WDR82: variants seen among roughly 807,000 people sequenced by gnomAD.
WDR82 encodes WD repeat-containing protein 82.
Under a neutral mutation model 36.1 loss-of-function variants are expected in WDR82, and 8 were observed. The ratio of observed to expected loss-of-function variants is 0.22; its 90% CI spans 0.13 to 0.40. WDR82 has a LOEUF of 0.40. WDR82 is among the 10% of genes least tolerant of loss of function. WDR82 has a pLI of 1.00. For synonymous variants in WDR82, 129 were observed against 137.8 expected, an observed-to-expected ratio of 0.94 and a Z score of 0.45; for missense variants, 185 against 400.5, an observed-to-expected ratio of 0.46 and a Z score of 4.59.
At chr3:52,262,487 A>G (rs1700070174) in intron 3 of WDR82, among the ~76,000 whole-genome samples, 1 of 152,244 alleles carries the variant, frequency 6.6e-6, no homozygotes, top group African/African-American at 2.4e-5. Context: ...AAGTGGCATC[A>G]GCATCACCTG....
Position 52,257,365 on chromosome 3 carries a change from A to C in WDR82, c.*125T>G. ...GCAGATGTACAGCACATCCATGGGA[A>C]GGCCATGTAAAAGGATGTTCTCCAG... On this transcript the variant is annotated 3_prime_UTR_variant, in exon 9 of 9. Coordinates refer to ENST00000296490, the MANE Select transcript of WDR82 (RefSeq NM_025222.4). The C allele has an allele frequency of 7.9e-6, 10 of 1,270,814 alleles. No homozygotes were observed. Among genetic ancestry groups the C allele is most frequent in the Non-Finnish European group, 1.0e-5 (9 of 876,142 alleles). The allele number at this position is 1,270,814 out of a possible 1,614,324, so 78.7% of individuals were successfully genotyped here.
intron 1 of WDR82, among the ~76,000 whole-genome samples, chr3:52,271,917 C>T (rs1210219070): frequency 6.6e-6 from 1 of 151,956 alleles, no homozygotes; most frequent in East Asian, 1.9e-4. Flanking sequence ...TGGTGAAACC[C>T]CGTCTCTACT....
At position 52,261,416 on chromosome 3, in the gene WDR82, G is replaced by A; in HGVS notation, c.390C>T (p.Thr130=). 1 of 1,613,006 alleles carries A rather than the reference G, an allele frequency of 6.2e-7. No individual in the cohort carries two copies. Among genetic ancestry groups the A allele is most frequent in the Non-Finnish European group, 8.5e-7 (1 of 1,179,666 alleles). The change falls in exon 4 of 9, where the codon ACC becomes ACT. Residue 130 remains threonine, a synonymous_variant. Coordinates refer to ENST00000296490, the MANE Select transcript of WDR82 (RefSeq NM_025222.4). ...DTFISGSLDK[T]IRLWDLRSPN... ...GAGACCGGAGATCCCAGAGTCGAAT[G>A]GTCTTATCAAGAGACCCAGAAATGA... is the stretch of plus-strand genomic sequence containing the variant.
rs1277289737 is a variant in WDR82 at position 52,254,679 on chromosome 3, T to G, written c.*2811A>C. ...TATAATTACAACGGGAAATAATTTC[T>G]TTAAGTACCCAGTGCAGTGTCACTG... On this transcript the variant is annotated 3_prime_UTR_variant, in exon 9 of 9. Transcript: ENST00000296490. 1 of 152,440 alleles carries G rather than the reference T, an allele frequency of 6.6e-6. No individual in the cohort carries two copies. The highest frequency in any genetic ancestry group is 1.5e-5 in the Non-Finnish European group (1 of 68,014). 9.4% of individuals were successfully genotyped at this position (152,440 alleles called of 1,614,324 possible). A position where few individuals can be genotyped will look rare whatever the true frequency, so the allele number is the denominator to read the frequency against.
At chr3:52,271,143 A>ACAG (rs1234944526) in intron 1 of WDR82, among the ~76,000 whole-genome samples, 1 of 152,226 alleles carries the variant, frequency 6.6e-6, no homozygotes, top group African/African-American at 2.4e-5. Flanking sequence ...TCAACAACAG[A>ACAG]CAGCACATAG....
chr3:52,268,937 T>G (rs567521883), intron 2 of WDR82, among the ~76,000 whole-genome samples: 55 of 152,172 alleles, frequency 3.6e-4, no homozygotes, highest in African/African-American at 1.3e-3. Flanking sequence ...ACCTCAGCCT[T>G]ACAAGTGGCT....
intron 2 of WDR82, chr3:52,267,831 G>A (rs1700119295): frequency 6.5e-6 from 1 of 153,020 alleles, no homozygotes; most frequent in African/African-American, 2.4e-5. Flanking sequence ...CTGCAAAATA[G>A]AAAAGTATTA....
At position 52,260,445 on chromosome 3, in the gene WDR82, A is replaced by G. The variant is rs1700051370; in HGVS notation, c.483T>C (p.Ile161=). 6.3e-7 allele frequency: 1 copy of G among 1,594,360 alleles called. No homozygotes were observed. The highest frequency in any genetic ancestry group is 1.1e-5 in the South Asian group (1 of 88,230). Reference sequence around the variant, plus strand: ...TTTCAGAGTTGACACCTGCAGCGAAAATTAACCCTTCTGGATCAAAAGAAC... The same window carrying G: ...TTTCAGAGTTGACACCTGCAGCGAAGATTAACCCTTCTGGATCAAAAGAAC... The part of the protein sequence containing the change: ...PVCSFDPEGL[I]FAAGVNSEMV... Residue 161 remains isoleucine (I), a synonymous_variant, in exon 5 of 9, where the codon ATT becomes ATC. Coordinates refer to ENST00000296490, the MANE Select transcript of WDR82 (RefSeq NM_025222.4).
Position 52,255,212 on chromosome 3 carries a change from G to C in WDR82, c.*2278C>G, listed in dbSNP as rs1361286930. On this transcript the variant is annotated 3_prime_UTR_variant, in exon 9 of 9. Coordinates refer to ENST00000296490, the MANE Select transcript of WDR82 (RefSeq NM_025222.4). ...CCGCCTCGGCCTCCCAAAGTGCTGG[G>C]ATTACAGGTGTGAGCCACCGCGCCC... is the stretch of plus-strand genomic sequence containing the variant. 6.6e-6 allele frequency: 1 copy of C among 152,208 alleles called. No individual in the cohort carries two copies. Among genetic ancestry groups the C allele is most frequent in the Non-Finnish European group, 1.5e-5 (1 of 68,080 alleles). 9.4% of individuals were successfully genotyped at this position (152,208 alleles called of 1,614,324 possible).
rs535165046 is a variant in WDR82, at chr3:52,257,867, C to T, written c.913-348G>A. Among the ~76,000 whole-genome samples, 20 of 152,170 alleles carry T rather than the reference C, an allele frequency of 1.3e-4. No individual in the cohort carries two copies. In the South Asian group the frequency reaches 4.2e-3, roughly 32 times the overall value. ...CCACCAGGTTACCTCCAACAGGCCC[C>T]CACCTTCCTGGGCTGTAAAAAGTAA... is the stretch of plus-strand genomic sequence containing the variant. On this transcript the variant is annotated intron_variant, in intron 8 of 8. Transcript: ENST00000296490.
intron 1 of WDR82, among the ~76,000 whole-genome samples, chr3:52,276,855 C>G (rs1700207410): frequency 6.6e-6 from 1 of 152,092 alleles, no homozygotes; most frequent in South Asian, 2.1e-4. Flanking sequence ...AAACTGCAGG[C>G]AGATCCAGAG....
chr3:52,257,678 C>T lies in WDR82; in HGVS notation c.913-159G>A, dbSNP rs373638018. On this transcript the variant is annotated intron_variant, in intron 8 of 8. Coordinates refer to ENST00000296490, the MANE Select transcript of WDR82 (RefSeq NM_025222.4). ...CCCCGATGCTCTAAGGAGACAGAAA[C>T]ACTCTTTCCTCTATGTGAAAGTAAA... Among the ~76,000 whole-genome samples, 8 of 152,298 alleles carry T rather than the reference C, an allele frequency of 5.3e-5. No individual in the cohort carries two copies. The East Asian group carries it at 1.2e-3, about 22-fold the overall frequency.
At chr3:52,270,902 A>G in intron 1 of WDR82, 93 bp from the exon 2 acceptor site, 1 of 923,342 alleles carries the variant, frequency 1.1e-6, no homozygotes, top group Non-Finnish European at 1.6e-6. Flanking sequence ...ATGATGTGGC[A>G]AAGGTGAGGA....
rs1171336873 is a variant in WDR82 at position 52,257,029 on chromosome 3, G to C, written c.*461C>G. ...GGATAATGCCACAAGTACACAGGGA[G>C]ACCCAGTAACAAGACATGCAGGGTG... On this transcript the variant is annotated 3_prime_UTR_variant, in exon 9 of 9. Transcript: ENST00000296490. The C allele has an allele frequency of 6.1e-6, 1 of 165,200 alleles. No homozygotes were observed. 10.2% of individuals were successfully genotyped at this position (165,200 alleles called of 1,614,324 possible).
At chr3:52,259,168 A>G in intron 7 of WDR82, 29 bp downstream of exon 7, 2 of 1,589,336 alleles carry the variant, frequency 1.3e-6, no homozygotes, top group Non-Finnish European at 1.7e-6. Context: ...CAGAGAAATA[A>G]CCCCCACAGG....
Position 52,276,432 on chromosome 3 carries a change from C to A in WDR82, c.161+1769G>T, listed in dbSNP as rs1358384890. ...GGCGACGGAGAGAGACTCCGTCCCC[C>A]ACCCGAAAAAAAAAAACAAAAAAAA... On this transcript the variant is annotated intron_variant, in intron 1 of 8. Transcript: ENST00000296490. 3.3e-5 allele frequency among the ~76,000 whole-genome samples: 5 copies of A among 150,416 alleles called. 1 individual carries two copies. In the South Asian group the frequency reaches 6.3e-4, roughly 19 times the overall value.
intron 2 of WDR82, chr3:52,268,384 A>G (rs374668887): frequency 1.8e-4 from 86 of 471,454 alleles, no homozygotes; most frequent in Admixed American, 5.2e-4. Flanking sequence ...AAGGAAACGG[A>G]GCGCTGGAGG....
intron 3 of WDR82, among the ~76,000 whole-genome samples, chr3:52,266,748 T>G (rs1350152784): frequency 1.3e-5 from 2 of 152,146 alleles, no homozygotes; most frequent in African/African-American, 2.4e-5. Flanking sequence ...TAGTTATATT[T>G]TAACTGAGGT....
intron 2 of WDR82, among the ~76,000 whole-genome samples, chr3:52,269,557 T>C (rs987055415): frequency 4.6e-5 from 7 of 151,960 alleles, no homozygotes; most frequent in African/African-American, 1.4e-4. Context: ...GGTGAAACCC[T>C]GTCTCTACTA....
Sources: allele counts gnomAD v4.1 joint callset (sites outside exome capture counted in the v4.1 genomes callset), GRCh38; gene constraint gnomAD v4.1.1; transcripts MANE v1.5; gene names NCBI Gene and HGNC (gene_info 2026-07-23, HGNC 2026-07-21).